The following MED9 variants were observed in gnomAD, a reference collection of about 807,000 sequenced individuals.
MED9 encodes mediator of RNA polymerase II transcription subunit 9.
In MED9, 8 loss-of-function variants were observed where a neutral mutation model predicts 13.2. The observed-to-expected ratio is 0.61, with a 90% CI of 0.36 to 1.10. MED9 has a LOEUF of 1.10. MED9 is among the 50% of genes least tolerant of loss of function. The pLI is 0.02. For synonymous variants in MED9, 87 were observed against 82.8 expected (o/e 1.05, Z -0.28); for missense variants, 180 against 193.4 (o/e 0.93, Z 0.41).
rs570632089 is a variant in MED9, at chr17:17,480,810, C to T, written c.224+3545C>T. 2.6e-4 allele frequency among the ~76,000 whole-genome samples: 39 copies of T among 152,232 alleles called. No homozygotes were observed. The South Asian group carries it at 7.9e-3, about 31-fold the overall frequency. ...TGAGAAGAGGCTAGGATCCAACCTG[C>T]AAACCTTCAGTATAGGCGTGTCTTT... On this transcript the variant is annotated intron_variant, in intron 1 of 1. Transcript: ENST00000268711.
intron 1 of MED9, chr17:17,488,425 C>T (rs1905174164): frequency 6.6e-6 from 1 of 152,266 alleles, no homozygotes; most frequent in Non-Finnish European, 1.5e-5. Context: ...CTGCCTAAAA[C>T]CCTGTGATGT....
rs1467096473 is a variant in MED9, at chr17:17,491,821, C to T, written c.*326C>T. On this transcript the variant is annotated 3_prime_UTR_variant, in exon 2 of 2. Transcript: ENST00000268711. ...TCTGGGGAGGGGGCCATCTGCTGCG[C>T]CCGGCCCCACTGACAGATCTGAAGA... 1 of 372,778 alleles carries T rather than the reference C, an allele frequency of 2.7e-6. No individual in the cohort carries two copies. Among genetic ancestry groups the T allele is most frequent in the African/African-American group, 2.1e-5 (1 of 48,038 alleles). 23.1% of individuals were successfully genotyped at this position (372,778 alleles called of 1,614,324 possible). A position where few individuals can be genotyped will look rare whatever the true frequency, so the allele number is the denominator to read the frequency against.
chr17:17,477,230 C>A lies in MED9; in HGVS notation c.189C>A (p.Tyr63Ter), dbSNP rs1904939688. Residue 63 changes from tyrosine to a stop codon, truncating the protein, a stop_gained, in exon 1 of 2, where the codon TAC becomes TAA. Coordinates refer to ENST00000268711, the MANE Select transcript of MED9 (RefSeq NM_018019.3). LOFTEE classifies it high-confidence loss of function. ...CCCGCGCGAGGGAGGAAGAGAACTA[C>A]TCCTTTTTACCTTTGGTTCACAACA... ...SPARAREEEN[Y>*]SFLPLVHNII... is the part of the protein sequence containing the mutation. 1.2e-6 allele frequency: 2 copies of A among 1,608,070 alleles called. No homozygotes were observed. The highest frequency in any genetic ancestry group is 1.1e-5 in the South Asian group (1 of 90,546).
chr17:17,492,626 A>AT lies in MED9; in HGVS notation c.*1133dup, dbSNP rs1254010929. The AT allele has an allele frequency of 6.6e-6, 1 of 152,184 alleles. No individual in the cohort carries two copies. The highest frequency in any genetic ancestry group is 1.5e-5 in the Non-Finnish European group (1 of 68,040). 9.4% of individuals were successfully genotyped at this position (152,184 alleles called of 1,614,324 possible). ...TTGTGTGCTCTCCCTTGACTGTCAG[A>AT]TTGAAGTAAGAGCAGTTCTCTCCGT... On this transcript the variant is annotated 3_prime_UTR_variant, in exon 2 of 2. Coordinates refer to ENST00000268711, the MANE Select transcript of MED9 (RefSeq NM_018019.3).
At chr17:17,482,755 G>T (rs1357720060) in intron 1 of MED9, among the ~76,000 whole-genome samples, 3 of 151,998 alleles carry the variant, frequency 2.0e-5, no homozygotes, top group Non-Finnish European at 4.4e-5. Flanking sequence ...TTTTTTACTT[G>T]TAATTCTTTG....
At chr17:17,490,600 C>T (rs1196144262) in intron 1 of MED9, among the ~76,000 whole-genome samples, 1 of 152,088 alleles carries the variant, frequency 6.6e-6, no homozygotes, top group Non-Finnish European at 1.5e-5. Flanking sequence ...GACTCAAAGA[C>T]AAGGACTGTC....
intron 1 of MED9, among the ~76,000 whole-genome samples, chr17:17,482,635 T>G (rs1158226106): frequency 6.6e-6 from 1 of 152,194 alleles, no homozygotes; most frequent in East Asian, 1.9e-4. Flanking sequence ...GTAGTCAGAT[T>G]TGTTAGGCCT....
At chr17:17,482,020 T>C (rs1905040982) in intron 1 of MED9, among the ~76,000 whole-genome samples, 1 of 152,190 alleles carries the variant, frequency 6.6e-6, no homozygotes, top group Non-Finnish European at 1.5e-5. Context: ...TACCCATGGA[T>C]ATGAAATGGA....
At chr17:17,491,155 G>C (rs1258391848) in intron 1 of MED9, 124 bp from the exon 2 acceptor site, 3 of 919,518 alleles carry the variant, frequency 3.3e-6, no homozygotes, top group Non-Finnish European at 5.1e-6. Flanking sequence ...TCAGGGGATA[G>C]ACACATAAAA....
intron 1 of MED9, chr17:17,485,163 G>A (rs952559130): frequency 5.8e-6 from 2 of 343,534 alleles, no homozygotes; most frequent in African/African-American, 4.3e-5. Context: ...ACAGGCACAC[G>A]CCACCATGCC....
At chr17:17,486,793 C>G (rs1270158612) in intron 1 of MED9, 1 of 153,462 alleles carries the variant, frequency 6.5e-6, no homozygotes, top group African/African-American at 2.4e-5. Flanking sequence ...GCGGGATCCA[C>G]TAGGTGAAGC....
At chr17:17,480,165 C>T (rs1241073463) in intron 1 of MED9, among the ~76,000 whole-genome samples, 2 of 152,024 alleles carry the variant, frequency 1.3e-5, no homozygotes, top group Admixed American at 1.3e-4. Context: ...GACTGTGGGA[C>T]ACCAGGCACA....
chr17:17,480,655 GAAGA>G (rs927121757), intron 1 of MED9, among the ~76,000 whole-genome samples: 7 of 151,886 alleles, frequency 4.6e-5, no homozygotes, highest in African/African-American at 9.7e-5. Flanking sequence ...CTGTCTCAAA[GAAGA>G]AAGAAAGAAA....
chr17:17,484,947 C>G (rs1905099602), intron 1 of MED9: 1 of 153,434 alleles, frequency 6.5e-6, no homozygotes, highest in East Asian at 1.9e-4. Flanking sequence ...GTCTCCTTCA[C>G]AGTTTGAATT....
chr17:17,477,322 G>A, intron 1 of MED9, 57 bp downstream of exon 1: 2 of 1,496,900 alleles, frequency 1.3e-6, no homozygotes, highest in Admixed American at 4.4e-5. Flanking sequence ...CCTCTCAGCC[G>A]TTTCAGAGCT....
intron 1 of MED9, among the ~76,000 whole-genome samples, chr17:17,478,092 C>G (rs558123429): frequency 6.6e-6 from 1 of 152,328 alleles, no homozygotes; most frequent in South Asian, 2.1e-4. Context: ...ACCTCCTGGC[C>G]TCAAGCCATC....
chr17:17,481,468 A>G (rs1318236772), intron 1 of MED9, among the ~76,000 whole-genome samples: 1 of 152,238 alleles, frequency 6.6e-6, no homozygotes, highest in Non-Finnish European at 1.5e-5. Context: ...CCTTCCCCCA[A>G]GTCCCCTCAC....
rs1231550188 is a variant in MED9 at position 17,491,403 on chromosome 17, C to G, written c.349C>G (p.Gln117Glu). ...IHLSPEQQQQ[Q>E]LQSLREQVRT... ...CCTGAGCCCCGAACAGCAGCAGCAGCAGCTGCAGAGCCTCCGGGAGCAAGT... is the reference window on the plus strand; with the variant it reads ...CCTGAGCCCCGAACAGCAGCAGCAGGAGCTGCAGAGCCTCCGGGAGCAAGT... The change falls in exon 2 of 2, where the codon CAG (glutamine) becomes GAG (glutamate). Residue 117 changes from glutamine to glutamate, a missense_variant. Gln to Glu is a conservative substitution (Grantham distance 29). Coordinates refer to ENST00000268711, the MANE Select transcript of MED9 (RefSeq NM_018019.3). 1 of 1,613,944 alleles carries G rather than the reference C, an allele frequency of 6.2e-7. No individual in the cohort carries two copies. Among genetic ancestry groups the G allele is most frequent in the Non-Finnish European group, 8.5e-7 (1 of 1,180,036 alleles).
In MED9 at chr17:17,487,692, C is replaced by T. The variant is rs144839042; in HGVS notation, c.225-3587C>T. 1.2e-3 allele frequency: 205 copies of T among 174,472 alleles called. 2 individuals are homozygous for T. Among genetic ancestry groups the T allele is most frequent in the Middle Eastern group, 7.1e-3 (3 of 422 alleles). 10.8% of individuals were successfully genotyped at this position (174,472 alleles called of 1,614,324 possible). On this transcript the variant is annotated intron_variant, in intron 1 of 1. Coordinates refer to ENST00000268711, the MANE Select transcript of MED9 (RefSeq NM_018019.3). Reference sequence around the variant, plus strand: ...GCCTCATTCTTGAAGTCAGTGAGACCAAGAACCCACCAATTCCGGACACAC... The same window carrying T: ...GCCTCATTCTTGAAGTCAGTGAGACTAAGAACCCACCAATTCCGGACACAC...
Sources: allele counts gnomAD v4.1 joint callset (sites outside exome capture counted in the v4.1 genomes callset), GRCh38; gene constraint gnomAD v4.1.1; transcripts MANE v1.5; gene names NCBI Gene and HGNC (gene_info 2026-07-23, HGNC 2026-07-21).